Variants in RAPGEF4 observed in about 807,000 individuals in gnomAD.
RAPGEF4 encodes RAP guanine-nucleotide-exchange factor (GEF) 4.
A neutral mutation model predicts 147.9 loss-of-function variants in RAPGEF4; 66 were observed. That is an observed-to-expected ratio of 0.45 (90% CI 0.37 to 0.55). The LOEUF is 0.55. RAPGEF4 is among the 20% of genes least tolerant of loss of function. The probability of loss-of-function intolerance (pLI) is 0.00; values close to 1 mark genes in which losing one functional copy is unlikely to be tolerated. For missense variants in RAPGEF4, 1,071 were observed against 1,257.3 expected, an observed-to-expected ratio of 0.85 and a Z score of 2.24; for synonymous variants, 419 against 442.7, an observed-to-expected ratio of 0.95 and a Z score of 0.67.
At chr2:172,949,825 C>G (rs1336929724) in intron 6 of RAPGEF4, among the ~76,000 whole-genome samples, 1 of 152,108 alleles carries the variant, frequency 6.6e-6, no homozygotes, top group Non-Finnish European at 1.5e-5. Context: ...AATTACATAA[C>G]ATGGTAAATC....
At chr2:172,856,808 C>T (rs1472734381) in intron 4 of RAPGEF4, among the ~76,000 whole-genome samples, 1 of 152,148 alleles carries the variant, frequency 6.6e-6, no homozygotes, top group Non-Finnish European at 1.5e-5. Flanking sequence ...TAGCTGCTAT[C>T]ATTTCCCTGA....
At chr2:172,759,617 C>T (rs1696103694) in intron 1 of RAPGEF4, among the ~76,000 whole-genome samples, 1 of 152,286 alleles carries the variant, frequency 6.6e-6, no homozygotes, top group Non-Finnish European at 1.5e-5. Context: ...ACCAAATAAA[C>T]AACATATGGT....
upstream of RAPGEF4, among the ~76,000 whole-genome samples, chr2:172,735,647 C>T (rs1693676237): frequency 6.6e-6 from 1 of 151,938 alleles, no homozygotes; most frequent in African/African-American, 2.4e-5. Context: ...AGGTGGCCGG[C>T]CACCGGGGTC....
chr2:172,933,298 C>A (rs1299726457), intron 6 of RAPGEF4, among the ~76,000 whole-genome samples: 1 of 151,506 alleles, frequency 6.6e-6, no homozygotes, highest in African/African-American at 2.4e-5. Flanking sequence ...GAAATAGAGT[C>A]CATAGGATTT....
intron 17 of RAPGEF4, among the ~76,000 whole-genome samples, chr2:173,005,528 T>TTTTTTTG (rs1559178799): frequency 2.4e-4 from 33 of 136,996 alleles, no homozygotes; most frequent in African/African-American, 7.7e-4. Flanking sequence ...GTGTTTTTTT[T>TTTTTTTG]TTTTTTTTTT....
intron 3 of RAPGEF4, among the ~76,000 whole-genome samples, chr2:172,801,004 G>T (rs1031304820): frequency 6.6e-6 from 1 of 152,150 alleles, no homozygotes; most frequent in Non-Finnish European, 1.5e-5. Context: ...GACCAGAAAA[G>T]ATCATTGCTA....
chr2:173,027,050 A>T (rs757477856), intron 24 of RAPGEF4, 31 bp from the exon 25 acceptor site: 2 of 1,545,058 alleles, frequency 1.3e-6, no homozygotes, highest in Admixed American at 2.1e-5. Flanking sequence ...TTAAAAAAAA[A>T]TAAGCAAAAT....
Position 173,020,667 on chromosome 2 carries a change from C to T in RAPGEF4, c.2205C>T (p.Thr735=). The T allele has an allele frequency of 6.2e-7, 1 of 1,613,970 alleles. No individual in the cohort carries two copies. Among genetic ancestry groups the T allele is most frequent in the Non-Finnish European group, 8.5e-7 (1 of 1,179,986 alleles). The change falls in exon 23 of 31, where the codon ACC becomes ACT. Residue 735 remains threonine, a synonymous_variant. Coordinates refer to ENST00000397081, the MANE Select transcript of RAPGEF4 (RefSeq NM_007023.4). The part of the protein sequence containing the change: ...PNDVSVFTTL[T]INGRLFACPR... The stretch of plus-strand genomic sequence containing the variant: ...ATGTTTCAGTATTTACGACGCTCAC[C>T]ATTAATGGACGCCTGTTTGCTTGCC...
chr2:172,883,864 G>C (rs1696888850), intron 4 of RAPGEF4, among the ~76,000 whole-genome samples: 1 of 152,162 alleles, frequency 6.6e-6, no homozygotes, highest in African/African-American at 2.4e-5. Context: ...GAAGGCAAGA[G>C]CATTGGGTCC....
At chr2:172,865,673 T>G (rs1694555308) in intron 4 of RAPGEF4, among the ~76,000 whole-genome samples, 1 of 151,948 alleles carries the variant, frequency 6.6e-6, no homozygotes, top group Non-Finnish European at 1.5e-5. Context: ...CTTTTCTTAT[T>G]CCTGCATGGG....
chr2:172,843,627 A>G (rs1691856284), intron 4 of RAPGEF4, among the ~76,000 whole-genome samples: 1 of 152,154 alleles, frequency 6.6e-6, no homozygotes, highest in African/African-American at 2.4e-5. Context: ...TGTCAGCAAA[A>G]CCTGACCTGA....
chr2:172,834,671 C>G (rs1214853066), intron 4 of RAPGEF4, among the ~76,000 whole-genome samples: 1 of 152,112 alleles, frequency 6.6e-6, no homozygotes, highest in Non-Finnish European at 1.5e-5. Flanking sequence ...TAGGGGTAAA[C>G]ATTCTGCAAA....
At chr2:172,786,908 A>C (rs1437193615) in intron 1 of RAPGEF4, among the ~76,000 whole-genome samples, 1 of 152,048 alleles carries the variant, frequency 6.6e-6, no homozygotes. Context: ...AAATAAACTT[A>C]ACTTTAAAAC....
chr2:172,925,296 A>T (rs1022407420), intron 6 of RAPGEF4, among the ~76,000 whole-genome samples: 4 of 152,192 alleles, frequency 2.6e-5, no homozygotes, highest in African/African-American at 9.7e-5. Flanking sequence ...TTAACTTTTA[A>T]TAAAATATGC....
At chr2:172,981,767 C>G (rs1691706788) in intron 10 of RAPGEF4, among the ~76,000 whole-genome samples, 1 of 152,158 alleles carries the variant, frequency 6.6e-6, no homozygotes, top group South Asian at 2.1e-4. Flanking sequence ...GTCATCTTCC[C>G]CGTGTTAGAA....
intron 1 of RAPGEF4, among the ~76,000 whole-genome samples, chr2:172,782,547 A>G (rs1035056614): frequency 5.9e-5 from 9 of 152,226 alleles, no homozygotes; most frequent in African/African-American, 2.2e-4. Flanking sequence ...ATTTAGGGGC[A>G]ACAGTGGCAA....
At chr2:172,951,494 A>C (rs1688204008) in intron 6 of RAPGEF4, among the ~76,000 whole-genome samples, 1 of 152,230 alleles carries the variant, frequency 6.6e-6, no homozygotes. Flanking sequence ...TAAGAAACGA[A>C]CATGAATATC....
In RAPGEF4 at chr2:172,988,829, G is replaced by A. The variant is rs201545225; in HGVS notation, c.1364G>A (p.Arg455Gln). Residue 455 changes from arginine (R) to glutamine (Q), a missense_variant, in exon 14 of 31, where the codon CGG becomes CAG. Physicochemically the swap from Arg to Gln is conservative, Grantham distance 43. Transcript: ENST00000397081. ...FLRVDKEDFN[R>Q]ILRDVEANTV... is the part of the protein sequence containing the mutation. ...AGAGTAGACAAGGAGGATTTCAACC[G>A]GATCCTAAGGGTGAGTCCAAAGCAA... is the stretch of plus-strand genomic sequence containing the variant. 77 of 1,613,506 alleles carry A rather than the reference G, an allele frequency of 4.8e-5. No homozygotes were observed. The highest frequency in any genetic ancestry group is 5.5e-5 in the South Asian group (5 of 91,078).
Position 172,832,737 on chromosome 2 carries a change from T to A in RAPGEF4, c.444+18312T>A, listed in dbSNP as rs142337756. Among the ~76,000 whole-genome samples the A allele has an allele frequency of 5.8e-3, 882 of 152,348 alleles. 9 individuals are homozygous for A. Among genetic ancestry groups the A allele is most frequent in the African/African-American group, 0.021 (855 of 41,578 alleles). ...TTTGCTTCTTGATGCATGCACATTC[T>A]AACCAACACTGACTATCTTCAGCTT... On this transcript the variant is annotated intron_variant, in intron 4 of 30. Coordinates refer to ENST00000397081, the MANE Select transcript of RAPGEF4 (RefSeq NM_007023.4).
Sources: allele counts gnomAD v4.1 joint callset (sites outside exome capture counted in the v4.1 genomes callset), GRCh38; gene constraint gnomAD v4.1.1; transcripts MANE v1.5; gene names NCBI Gene and HGNC (gene_info 2026-07-23, HGNC 2026-07-21).